Variants in PLCL1 observed in about 807,000 individuals in gnomAD.
The protein encoded by PLCL1 is inactive phospholipase C-like protein 1.
In PLCL1, 41 loss-of-function variants were observed where a neutral mutation model predicts 84.4. That is an observed-to-expected ratio of 0.49 (90% confidence interval 0.38 to 0.63). The LOEUF (loss-of-function observed/expected upper bound fraction) is 0.63. Ranked by LOEUF, PLCL1 falls within the 30% of genes least tolerant of loss-of-function variation. The probability of loss-of-function intolerance (pLI) is 0.00; values close to 1 mark genes in which losing one functional copy is unlikely to be tolerated. For missense variants in PLCL1, 1,206 were observed against 1,367.8 expected, an observed-to-expected ratio of 0.88 and a Z score of 1.87; for synonymous variants, 490 against 488.3, an observed-to-expected ratio of 1.00 and a Z score of -0.05.
chr2:198,100,406 G>C (rs185933788), intron 3 of PLCL1, among the ~76,000 whole-genome samples: 1 of 152,206 alleles, frequency 6.6e-6, no homozygotes, highest in East Asian at 1.9e-4. Flanking sequence ...AACTAATAGA[G>C]GAGAGGGCAC....
intron 5 of PLCL1, among the ~76,000 whole-genome samples, chr2:198,132,077 T>A (rs1332990825): frequency 6.6e-6 from 1 of 152,196 alleles, no homozygotes; most frequent in Admixed American, 6.5e-5. Context: ...CTTTTATTCC[T>A]CTCTATATTT....
At chr2:197,824,519 G>A (rs1192022202) in intron 1 of PLCL1, among the ~76,000 whole-genome samples, 2 of 151,916 alleles carry the variant, frequency 1.3e-5, no homozygotes, top group Non-Finnish European at 2.9e-5. Context: ...CTCAAGAGCA[G>A]CCTGGGAAAC....
chr2:198,117,530 T>C (rs1407454262), intron 5 of PLCL1, among the ~76,000 whole-genome samples: 2 of 151,722 alleles, frequency 1.3e-5, no homozygotes, highest in Non-Finnish European at 2.9e-5. Context: ...CACTTGAGAG[T>C]TCCATACAGT....
chr2:197,931,603 G>GACAT (rs1688932541), intron 1 of PLCL1, among the ~76,000 whole-genome samples: 1 of 67,544 alleles, frequency 1.5e-5, no homozygotes, highest in African/African-American at 9.6e-5. Context: ...TATGATTCAA[G>GACAT]AAATAGACAG....
chr2:197,870,621 G>C (rs1687633125), intron 1 of PLCL1, among the ~76,000 whole-genome samples: 1 of 152,120 alleles, frequency 6.6e-6, no homozygotes, highest in Non-Finnish European at 1.5e-5. Context: ...GAAGGGAAGA[G>C]AGAAAAGTGT....
At chr2:197,872,760 T>C (rs1481974450) in intron 1 of PLCL1, among the ~76,000 whole-genome samples, 1 of 152,206 alleles carries the variant, frequency 6.6e-6, no homozygotes, top group Non-Finnish European at 1.5e-5. Context: ...ATTATTATTA[T>C]TTGTTTAAAA....
intron 5 of PLCL1, among the ~76,000 whole-genome samples, chr2:198,146,072 G>A (rs1303760002): frequency 7.9e-5 from 12 of 152,124 alleles, no homozygotes; most frequent in African/African-American, 2.4e-4. Context: ...AATAAAAATA[G>A]CAGGAAAAGA....
intron 1 of PLCL1, among the ~76,000 whole-genome samples, chr2:197,831,810 G>T (rs1691073722): frequency 6.6e-6 from 1 of 152,082 alleles, no homozygotes; most frequent in South Asian, 2.1e-4. Flanking sequence ...GAAATAATAA[G>T]AAACAGTCAC....
chr2:197,806,506 A>G (rs905223881), intron 1 of PLCL1, among the ~76,000 whole-genome samples: 1 of 152,220 alleles, frequency 6.6e-6, no homozygotes, highest in African/African-American at 2.4e-5. Flanking sequence ...ACACTGACAC[A>G]TGGAAGTTTA....
intron 1 of PLCL1, among the ~76,000 whole-genome samples, chr2:198,000,865 C>T (rs2105820259): frequency 6.6e-6 from 1 of 151,992 alleles, no homozygotes; most frequent in Non-Finnish European, 1.5e-5. Flanking sequence ...TGCACAGTTC[C>T]TATTCTCATG....
At chr2:197,861,759 T>G (rs1559028055) in intron 1 of PLCL1, among the ~76,000 whole-genome samples, 1 of 152,074 alleles carries the variant, frequency 6.6e-6, no homozygotes, top group African/African-American at 2.4e-5. Context: ...GCTTGGTGTA[T>G]GGGGGGGAAC....
chr2:198,124,621 CACAA>C (rs1052548023), intron 5 of PLCL1, among the ~76,000 whole-genome samples: 10 of 152,056 alleles, frequency 6.6e-5, no homozygotes, highest in African/African-American at 2.4e-4. Context: ...ATTCAAAAAA[CACAA>C]ACAAAGCCTT....
chr2:197,962,384 C>T (rs897526116), intron 1 of PLCL1, among the ~76,000 whole-genome samples: 3 of 152,102 alleles, frequency 2.0e-5, no homozygotes, highest in Non-Finnish European at 4.4e-5. Flanking sequence ...TTCTCTTCAA[C>T]TCAGAGTTCT....
rs563985928 is a variant in PLCL1 at position 198,029,680 on chromosome 2, TCTCTTCTCTC to T, written c.241-54057_241-54048del. Among the ~76,000 whole-genome samples the T allele has an allele frequency of 3.0e-3, 453 of 149,658 alleles. 3 individuals carry two copies. Among genetic ancestry groups the T allele is most frequent in the Non-Finnish European group, 4.2e-3 (284 of 67,584 alleles). ...CATGTCTCTTCCTTCCTTCTTCTCTTCTCTTCTCTCCTCTTCTCTCCTCTTCTCTCTTCTC... is the reference window on the plus strand; with the variant it reads ...CATGTCTCTTCCTTCCTTCTTCTCTTCTCTTCTCTCCTCTTCTCTCTTCTC... On this transcript the variant is annotated intron_variant, in intron 1 of 5. Coordinates refer to ENST00000428675, the MANE Select transcript of PLCL1 (RefSeq NM_006226.4).
At chr2:198,045,803 T>C (rs1196393017) in intron 1 of PLCL1, among the ~76,000 whole-genome samples, 2 of 152,232 alleles carry the variant, frequency 1.3e-5, no homozygotes, top group Non-Finnish European at 2.9e-5. Flanking sequence ...TTGTCAATAA[T>C]AGCATACAAT....
chr2:198,012,758 A>G (rs1319393560), intron 1 of PLCL1, among the ~76,000 whole-genome samples: 3 of 150,660 alleles, frequency 2.0e-5, no homozygotes, highest in South Asian at 2.1e-4. Context: ...TTACATATAT[A>G]TAAACCTTAA....
intron 1 of PLCL1, among the ~76,000 whole-genome samples, chr2:197,866,440 C>T (rs980614903): frequency 6.6e-6 from 1 of 151,914 alleles, no homozygotes; most frequent in African/African-American, 2.4e-5. Context: ...AATAGGGCTA[C>T]TTACCTGAAT....
intron 1 of PLCL1, among the ~76,000 whole-genome samples, chr2:198,074,331 A>G (rs1692529906): frequency 6.6e-6 from 1 of 152,244 alleles, no homozygotes; most frequent in Admixed American, 6.5e-5. Context: ...CATCTGTTCT[A>G]AAACTTAGCT....
chr2:198,002,029 AT>A, intron 1 of PLCL1: 1 of 414,814 alleles, frequency 2.4e-6, no homozygotes, highest in South Asian at 1.8e-5. Context: ...TAATTATTTC[AT>A]TATATATTAC....
Sources: gnomAD v4.1 joint callset for allele counts (sites outside exome capture counted in the v4.1 genomes callset) on GRCh38, gnomAD v4.1.1 for gene constraint, MANE v1.5 for transcripts, NCBI Gene and HGNC (gene_info 2026-07-23, HGNC 2026-07-21) for gene names.